The following GLYAT variants were observed in gnomAD, a reference collection of about 807,000 sequenced individuals.
GLYAT encodes glycine-N-acyltransferase, also known as glycine N-acyltransferase.
GLYAT carries 25 observed loss-of-function variants against 22.8 expected under a neutral mutation model. The observed-to-expected ratio is 1.09, with a 90% confidence interval of 0.80 to 1.53. The LOEUF (loss-of-function observed/expected upper bound fraction) is 1.53. Among genes scored for constraint, GLYAT ranks in the 40% most tolerant of loss-of-function variants. GLYAT has a pLI of 0.00. For missense variants in GLYAT, 411 were observed against 353.9 expected (o/e 1.16, Z -1.29); for synonymous variants, 140 against 122.7 (o/e 1.14, Z -0.93).
chr11:58,713,171 A>G (rs1033064672), intron 3 of GLYAT, among the ~76,000 whole-genome samples: 1 of 152,202 alleles, frequency 6.6e-6, no homozygotes, highest in Admixed American at 6.6e-5. Context: ...TGAAATATAC[A>G]ATACATTGCT....
intron 2 of GLYAT, among the ~76,000 whole-genome samples, chr11:58,717,359 A>G (rs1856694838): frequency 6.6e-6 from 1 of 152,118 alleles, no homozygotes; most frequent in Non-Finnish European, 1.5e-5. Flanking sequence ...CAACAAACAA[A>G]AGAACAATCC....
At chr11:58,711,925 C>T (rs1856621238) in intron 4 of GLYAT, among the ~76,000 whole-genome samples, 1 of 152,202 alleles carries the variant, frequency 6.6e-6, no homozygotes, top group Non-Finnish European at 1.5e-5. Context: ...TTAAGATAGG[C>T]CTGGGCCAGC....
intron 2 of GLYAT, among the ~76,000 whole-genome samples, chr11:58,716,013 A>G (rs1019060138): frequency 6.6e-6 from 1 of 152,088 alleles, no homozygotes; most frequent in Non-Finnish European, 1.5e-5. Flanking sequence ...CTCTCTGGAG[A>G]GCTTAACTGA....
chr11:58,722,544 C>G (rs534223244), intron 2 of GLYAT, among the ~76,000 whole-genome samples: 4 of 152,130 alleles, frequency 2.6e-5, no homozygotes, highest in African/African-American at 9.6e-5. Flanking sequence ...GCTTTCAGGT[C>G]ACAGATATGT....
rs970721536 is a variant in GLYAT, at chr11:58,726,568, G to A, written c.-15-2057C>T. Among the ~76,000 whole-genome samples, 9 of 152,154 alleles carry A rather than the reference G, an allele frequency of 5.9e-5. No individual in the cohort carries two copies. In the East Asian group the frequency reaches 1.7e-3, roughly 29 times the overall value. On this transcript the variant is annotated intron_variant, in intron 1 of 5. Transcript: ENST00000344743. ...TTCTTAGCCCTGTCCTCCTTATTCTGTTCTTCATTATAAAAGACTGAGAAG... is the reference window on the plus strand; with the variant it reads ...TTCTTAGCCCTGTCCTCCTTATTCTATTCTTCATTATAAAAGACTGAGAAG...
At chr11:58,717,665 G>A (rs1222405376) in intron 2 of GLYAT, among the ~76,000 whole-genome samples, 1 of 151,926 alleles carries the variant, frequency 6.6e-6, no homozygotes, top group Non-Finnish European at 1.5e-5. Context: ...AATAACATTA[G>A]GCGAGACTAG....
chr11:58,711,788 T>C (rs546898281), intron 4 of GLYAT, among the ~76,000 whole-genome samples: 11 of 152,336 alleles, frequency 7.2e-5, no homozygotes, highest in South Asian at 2.1e-4. Context: ...CTTGGCCACA[T>C]TGACCATCTT....
intron 1 of GLYAT, among the ~76,000 whole-genome samples, chr11:58,725,090 T>C (rs1460700695): frequency 3.3e-5 from 5 of 152,144 alleles, no homozygotes; most frequent in Non-Finnish European, 7.4e-5. Flanking sequence ...TATTGCATGA[T>C]GTTTTGATAT....
Position 58,712,793 on chromosome 11 carries a change from G to A in GLYAT, c.283C>T (p.Leu95Phe), listed in dbSNP as rs763072250. ...TGTAAATGCTGTTTCCAGTTGATGA[G>A]TTCTGGTGATCCAAGGAATTCCTGA... ...NCQEFLGSPE[L>F]INWKQHLQIQ... The change falls in exon 4 of 6, where the codon CTC (leucine) becomes TTC (phenylalanine). Residue 95 changes from leucine (L) to phenylalanine (F), a missense_variant. By Grantham distance (22) the Leu-to-Phe change is conservative. Coordinates refer to ENST00000344743, the MANE Select transcript of GLYAT (RefSeq NM_201648.3). The A allele has an allele frequency of 2.0e-5, 33 of 1,612,678 alleles. No homozygotes were observed. In the Admixed American group the frequency reaches 5.2e-4, roughly 25 times the overall value.
At chr11:58,727,321 G>A (rs1368385035) in intron 1 of GLYAT, among the ~76,000 whole-genome samples, 1 of 152,156 alleles carries the variant, frequency 6.6e-6, no homozygotes, top group Non-Finnish European at 1.5e-5. Context: ...TGAATAACAG[G>A]AAGTGTGTGT....
intron 2 of GLYAT, among the ~76,000 whole-genome samples, chr11:58,719,727 T>C (rs1271608377): frequency 1.3e-5 from 2 of 151,994 alleles, no homozygotes; most frequent in African/African-American, 4.8e-5. Flanking sequence ...GTATGCTTTA[T>C]AGATGCAGGA....
intron 1 of GLYAT, among the ~76,000 whole-genome samples, chr11:58,727,578 T>C (rs1235326363): frequency 6.6e-6 from 1 of 152,156 alleles, no homozygotes; most frequent in African/African-American, 2.4e-5. Flanking sequence ...TCATTACGTC[T>C]GCTTAGTGCA....
intron 3 of GLYAT, among the ~76,000 whole-genome samples, chr11:58,714,459 G>A (rs780337429): frequency 2.9e-4 from 44 of 152,188 alleles, no homozygotes; most frequent in Admixed American, 9.2e-4. Flanking sequence ...ATAATTTTAA[G>A]TGTTTCCTCA....
At chr11:58,723,309 C>G (rs1020833388) in intron 2 of GLYAT, among the ~76,000 whole-genome samples, 2 of 152,030 alleles carry the variant, frequency 1.3e-5, no homozygotes, top group Admixed American at 6.6e-5. Flanking sequence ...TGTGAAGCCA[C>G]TTAAATATTA....
At position 58,724,401 on chromosome 11, in the gene GLYAT, AT is replaced by A; in HGVS notation, c.81+14del. ...GTTTGTCTTCTTTACTCCTCTCAGA[AT>A]TTTCCATTATCACCTTTAAGGATGC... On this transcript the variant is annotated intron_variant, in intron 2 of 5. Transcript: ENST00000344743. 1 of 1,489,594 alleles carries A rather than the reference AT, an allele frequency of 6.7e-7. No individual in the cohort carries two copies. The highest frequency in any genetic ancestry group is 9.3e-7 in the Non-Finnish European group (1 of 1,073,624). 92.3% of individuals were successfully genotyped at this position (1,489,594 alleles called of 1,614,324 possible).
At chr11:58,729,424 C>T (rs772958677) in intron 1 of GLYAT, among the ~76,000 whole-genome samples, 2 of 152,012 alleles carry the variant, frequency 1.3e-5, no homozygotes, top group African/African-American at 4.8e-5. Context: ...TGATAAATAT[C>T]GTATATATTT....
chr11:58,728,599 A>C (rs1856833988), intron 1 of GLYAT: 1 of 152,042 alleles, frequency 6.6e-6, no homozygotes, highest in African/African-American at 2.4e-5. Context: ...ATGCAGAAAG[A>C]ACTATGATCT....
intron 1 of GLYAT, among the ~76,000 whole-genome samples, chr11:58,726,579 T>C (rs1856813895): frequency 6.6e-6 from 1 of 152,142 alleles, no homozygotes; most frequent in South Asian, 2.1e-4. Flanking sequence ...TTCTTCATTA[T>C]AAAAGACTGA....
At chr11:58,716,063 G>A (rs996562847) in intron 2 of GLYAT, among the ~76,000 whole-genome samples, 1 of 152,112 alleles carries the variant, frequency 6.6e-6, no homozygotes, top group African/African-American at 2.4e-5. Context: ...TATTGCTCAA[G>A]AGAATAAGCT....
Sources: gnomAD v4.1 joint callset for allele counts (sites outside exome capture counted in the v4.1 genomes callset) on GRCh38, gnomAD v4.1.1 for gene constraint, MANE v1.5 for transcripts, NCBI Gene and HGNC (gene_info 2026-07-23, HGNC 2026-07-21) for gene names.